The following VPS13B variants were observed in gnomAD, a reference collection of about 807,000 sequenced individuals.
VPS13B encodes the protein vacuolar protein sorting 13 homolog B, also known as intermembrane lipid transfer protein VPS13B.
In VPS13B, 285 loss-of-function variants were observed where a neutral mutation model predicts 426.4. That is an observed-to-expected ratio of 0.67 (90% CI 0.61 to 0.74). VPS13B has a LOEUF of 0.74. Ranked by LOEUF, VPS13B falls within the 30% of genes least tolerant of loss-of-function variation. VPS13B has a pLI of 0.00. For synonymous variants in VPS13B, 1,676 were observed against 1,676.4 expected, an observed-to-expected ratio of 1.00 and a Z score of 0.01; for missense variants, 4,537 against 4,782.6, an observed-to-expected ratio of 0.95 and a Z score of 1.51.
At chr8:99,805,069 T>C (rs1813319753) in intron 43 of VPS13B, among the ~76,000 whole-genome samples, 1 of 134,880 alleles carries the variant, frequency 7.4e-6, no homozygotes, top group African/African-American at 2.8e-5. Context: ...ATTACCAGAA[T>C]ATATATATAT....
chr8:99,309,128 G>A (rs75905451), intron 19 of VPS13B, among the ~76,000 whole-genome samples: 11,236 of 152,086 alleles, frequency 0.074, 512 homozygotes, highest in African/African-American at 0.13. Flanking sequence ...CCATTCTGTA[G>A]GTTGCCTGTT....
chr8:99,289,312 T>A (rs7002106), intron 19 of VPS13B, among the ~76,000 whole-genome samples: 125,362 of 152,040 alleles, frequency 0.82, 52,191 homozygotes, highest in South Asian at 0.89. Context: ...AGGAGAATGC[T>A]ATATATACTT....
intron 56 of VPS13B, among the ~76,000 whole-genome samples, 196 bp downstream of exon 56, chr8:99,854,452 A>C (rs1195057135): frequency 6.6e-6 from 1 of 152,092 alleles, no homozygotes; most frequent in Admixed American, 6.5e-5. Flanking sequence ...AAGTTATTGA[A>C]CCTTCCTGAG....
At chr8:99,133,982 C>T (rs80230060) in intron 8 of VPS13B, among the ~76,000 whole-genome samples, 2 of 152,326 alleles carry the variant, frequency 1.3e-5, no homozygotes, top group East Asian at 1.9e-4. Context: ...TTGCTACAGA[C>T]TTCCAATTTG....
At chr8:99,061,296 CTTTTT>C (rs36037937) in intron 3 of VPS13B, among the ~76,000 whole-genome samples, 1 of 112,948 alleles carries the variant, frequency 8.9e-6, no homozygotes, top group African/African-American at 3.5e-5. Flanking sequence ...TGCTAATTTT[CTTTTT>C]TTTTTTTTTT....
intron 19 of VPS13B, chr8:99,340,506 C>T: frequency 2.1e-6 from 1 of 483,846 alleles, no homozygotes; most frequent in South Asian, 1.6e-5. Flanking sequence ...AAAGTCACAG[C>T]AAATGTTGTG....
intron 22 of VPS13B, among the ~76,000 whole-genome samples, chr8:99,439,822 T>C (rs1475417435): frequency 6.6e-6 from 1 of 151,972 alleles, no homozygotes; most frequent in Non-Finnish European, 1.5e-5. Flanking sequence ...TGAATTGGGA[T>C]CACAATTATA....
chr8:99,552,590 TC>T (rs35083483), intron 30 of VPS13B, among the ~76,000 whole-genome samples: 1 of 150,784 alleles, frequency 6.6e-6, no homozygotes, highest in Non-Finnish European at 1.5e-5. Context: ...TTTTTTTTTT[TC>T]CCCTTTACCC....
intron 3 of VPS13B, among the ~76,000 whole-genome samples, chr8:99,055,361 A>G (rs1405222836): frequency 6.6e-6 from 1 of 151,824 alleles, no homozygotes; most frequent in Non-Finnish European, 1.5e-5. Flanking sequence ...TTCTTTTTCA[A>G]AATTGTTTTG....
intron 2 of VPS13B, among the ~76,000 whole-genome samples, chr8:99,028,046 C>T (rs1428871373): frequency 6.6e-6 from 1 of 152,248 alleles, no homozygotes; most frequent in African/African-American, 2.4e-5. Context: ...CACAGATCAA[C>T]AGGATCCCAA....
At chr8:99,084,010 T>G (rs1763055947) in intron 3 of VPS13B, among the ~76,000 whole-genome samples, 1 of 152,230 alleles carries the variant, frequency 6.6e-6, no homozygotes, top group South Asian at 2.1e-4. Context: ...TTCTATTGAT[T>G]GGAATAGTTT....
intron 23 of VPS13B, among the ~76,000 whole-genome samples, chr8:99,463,213 C>T (rs959355685): frequency 3.3e-5 from 5 of 152,110 alleles, no homozygotes; most frequent in Admixed American, 1.3e-4. Context: ...CTTTTAAAAG[C>T]AGTGATTATT....
rs201519716 is a variant in VPS13B at position 99,267,625 on chromosome 8, G to A, written c.2516-6573G>A. ...GCCTATAATCCCAGCTACTTGGGAG[G>A]CTGAGGCAGGAGAATCGCTTGAACC... On this transcript the variant is annotated intron_variant, in intron 17 of 61. Transcript: ENST00000357162. 7.9e-5 allele frequency among the ~76,000 whole-genome samples: 12 copies of A among 152,054 alleles called. No individual in the cohort carries two copies. In the East Asian group the frequency reaches 2.3e-3, roughly 29 times the overall value.
intron 33 of VPS13B, among the ~76,000 whole-genome samples, chr8:99,622,331 G>A (rs932394104): frequency 1.6e-4 from 25 of 152,110 alleles, no homozygotes; most frequent in Admixed American, 1.4e-3. Context: ...CCAAGGTTTC[G>A]CCTCCAGGTC....
At position 99,635,551 on chromosome 8, in the gene VPS13B, T is replaced by C. The variant is rs1370649416; in HGVS notation, c.5221-6260T>C. On this transcript the variant is annotated intron_variant, in intron 33 of 61. Coordinates refer to ENST00000357162, the MANE Select transcript of VPS13B (RefSeq NM_152564.5). ...AAAGATTAAAACACATAATTTTAAT[T>C]AAAAGCCTGGAATAGATGCTGAATT... Among the ~76,000 whole-genome samples, 3 of 152,098 alleles carry C rather than the reference T, an allele frequency of 2.0e-5. No homozygotes were observed. In the East Asian group the frequency reaches 5.8e-4, roughly 29 times the overall value.
chr8:99,042,274 T>C (rs1038978344), intron 3 of VPS13B, among the ~76,000 whole-genome samples: 1 of 152,234 alleles, frequency 6.6e-6, no homozygotes, highest in African/African-American at 2.4e-5. Context: ...CTTTCTCCTT[T>C]TTAGCTTAAC....
rs1454946854 is a variant in VPS13B, at chr8:99,861,896, T to C, written c.11165T>C (p.Leu3722Pro). 1.9e-6 allele frequency: 3 copies of C among 1,596,638 alleles called. No homozygotes were observed. The highest frequency in any genetic ancestry group is 2.3e-5 in the South Asian group (2 of 88,094). ...EEWRRQLPES[L>P]GEGLRQGLSR... is the part of the protein sequence containing the mutation. ...TGGCGGCGGCAGCTCCCCGAGAGCCTGGGCGAGGGGCTTCGACAGGGCCTG... is the reference window on the plus strand; with the variant it reads ...TGGCGGCGGCAGCTCCCCGAGAGCCCGGGCGAGGGGCTTCGACAGGGCCTG... The change falls in exon 58 of 62, where the codon CTG (leucine) becomes CCG (proline). Residue 3722 changes from leucine (L) to proline (P), a missense_variant. This residue lies in a region of VPS13B where 4,311 missense variants were observed against 4,474.3 expected (regional missense o/e 0.96). Transcript: ENST00000357162.
chr8:99,868,434 A>G lies in VPS13B; in HGVS notation c.11361A>G (p.Gly3787=), dbSNP rs1817213549. 6.2e-7 allele frequency: 1 copy of G among 1,613,464 alleles called. No individual in the cohort carries two copies. Among genetic ancestry groups the G allele is most frequent in the South Asian group, 1.1e-5 (1 of 90,928 alleles). ...GGGTGTTCACAAAGCCCATCGGAGG[A>G]GCTGCTGAGCTGGTGTCACAGACTG... ...IMGVFTKPIG[G]AAELVSQTGY... Residue 3787 remains glycine, a synonymous_variant, in exon 59 of 62, where the codon GGA becomes GGG. Coordinates refer to ENST00000357162, the MANE Select transcript of VPS13B (RefSeq NM_152564.5).
intron 30 of VPS13B, among the ~76,000 whole-genome samples, chr8:99,547,595 C>A (rs576398318): frequency 1.3e-5 from 2 of 151,856 alleles, no homozygotes; most frequent in Non-Finnish European, 2.9e-5. Context: ...AAGGCCTGAC[C>A]CAGACTAAAT....
Sources: gnomAD v4.1 joint callset for allele counts (sites outside exome capture counted in the v4.1 genomes callset) on GRCh38, gnomAD v4.1.1 for gene constraint, gnomAD v4.1.1 regional missense constraint, MANE v1.5 for transcripts, NCBI Gene and HGNC (gene_info 2026-07-23, HGNC 2026-07-21) for gene names.